The following ZNF346 variants were observed in gnomAD, a reference collection of about 807,000 sequenced individuals.
ZNF346 encodes double-stranded RNA-binding zinc finger protein JAZ.
ZNF346 carries 23 observed loss-of-function variants against 33.7 expected under a neutral mutation model. That is an observed-to-expected ratio of 0.68 (90% CI 0.49 to 0.97). ZNF346 has a LOEUF of 0.97. ZNF346 is among the 50% of genes least tolerant of loss of function. ZNF346 has a pLI of 0.00. For synonymous variants in ZNF346, 134 were observed against 142.4 expected (o/e 0.94, Z 0.42); for missense variants, 340 against 371.1 (o/e 0.92, Z 0.69).
chr5:177,024,106 C>G (rs145187396), intron 1 of ZNF346, among the ~76,000 whole-genome samples: 1 of 143,940 alleles, frequency 6.9e-6, no homozygotes, highest in East Asian at 2.0e-4. Flanking sequence ...AATATATACA[C>G]ACATAAATCT....
At chr5:177,041,378 T>G (rs1779316677) in intron 2 of ZNF346, 149 bp downstream of exon 2, 1 of 661,128 alleles carries the variant, frequency 1.5e-6, no homozygotes, top group East Asian at 2.7e-5. Flanking sequence ...GAAGATTGAC[T>G]TAATCTCCTT....
intron 1 of ZNF346, 138 bp downstream of exon 1, chr5:177,023,051 C>T (rs1290452355): frequency 6.9e-7 from 1 of 1,443,798 alleles, no homozygotes. Flanking sequence ...TTGTGCTCCC[C>T]ATCCGGGCGC....
chr5:177,032,952 A>G (rs1777929029), intron 1 of ZNF346, among the ~76,000 whole-genome samples: 1 of 152,232 alleles, frequency 6.6e-6, no homozygotes. Flanking sequence ...ACCAGTGCTA[A>G]GTAGACTTAA....
chr5:177,034,004 C>A (rs1418388401), intron 1 of ZNF346, among the ~76,000 whole-genome samples: 1 of 151,952 alleles, frequency 6.6e-6, no homozygotes. Flanking sequence ...ACGTCAGCCA[C>A]TTGAGTAGCA....
At chr5:177,045,696 G>T (rs1779940407) in intron 4 of ZNF346, among the ~76,000 whole-genome samples, 2 of 151,634 alleles carry the variant, frequency 1.3e-5, no homozygotes, top group Admixed American at 1.3e-4. Context: ...TCACTATATT[G>T]CTCAGGCTGG....
intron 1 of ZNF346, among the ~76,000 whole-genome samples, chr5:177,025,814 G>A (rs528096523): frequency 1.3e-5 from 2 of 152,232 alleles, no homozygotes; most frequent in South Asian, 4.1e-4. Flanking sequence ...CCCCCTGACT[G>A]TGACTTGTTT....
chr5:177,075,629 A>C (rs1367946264), intron 8 of ZNF346, among the ~76,000 whole-genome samples: 1 of 151,726 alleles, frequency 6.6e-6, no homozygotes, highest in East Asian at 1.9e-4. Context: ...CAGTCCTCCC[A>C]CCTCAGCCTC....
At chr5:177,063,763 C>T (rs1782844652) in intron 6 of ZNF346, among the ~76,000 whole-genome samples, 1 of 152,142 alleles carries the variant, frequency 6.6e-6, no homozygotes, top group African/African-American at 2.4e-5. Context: ...CGGCACACAC[C>T]TGTAGTCCCA....
At chr5:177,023,578 C>T (rs188941416) in intron 1 of ZNF346, among the ~76,000 whole-genome samples, 1 of 152,198 alleles carries the variant, frequency 6.6e-6, no homozygotes, top group Non-Finnish European at 1.5e-5. Flanking sequence ...AGGGGTCACT[C>T]CTGGGCCGAA....
chr5:177,032,283 C>T (rs1229711089), intron 1 of ZNF346, among the ~76,000 whole-genome samples: 1 of 151,862 alleles, frequency 6.6e-6, no homozygotes, highest in Non-Finnish European at 1.5e-5. Context: ...GGATTACAGG[C>T]GTGAGCCACT....
chr5:177,060,546 C>T (rs1005059408), intron 5 of ZNF346, among the ~76,000 whole-genome samples: 1 of 151,398 alleles, frequency 6.6e-6, no homozygotes, highest in African/African-American at 2.4e-5. Flanking sequence ...AGTAGCTCAA[C>T]ACCTGTAATC....
At chr5:177,033,149 C>T (rs1382511555) in intron 1 of ZNF346, among the ~76,000 whole-genome samples, 2 of 152,200 alleles carry the variant, frequency 1.3e-5, no homozygotes, top group Non-Finnish European at 2.9e-5. Flanking sequence ...AATTATGGCT[C>T]ACCAGAGCCT....
intron 8 of ZNF346, among the ~76,000 whole-genome samples, chr5:177,076,931 C>T (rs557196053): frequency 1.8e-4 from 27 of 152,114 alleles, no homozygotes; most frequent in Non-Finnish European, 1.2e-4. Flanking sequence ...ATCCCAGCTA[C>T]TTGGGAGGCT....
chr5:177,038,582 C>G (rs1007375751), intron 1 of ZNF346, among the ~76,000 whole-genome samples: 1 of 151,766 alleles, frequency 6.6e-6, no homozygotes, highest in Admixed American at 6.6e-5. Context: ...ACACAAAGCA[C>G]GTATTATAAA....
intron 5 of ZNF346, among the ~76,000 whole-genome samples, chr5:177,056,621 T>C (rs1254588650): frequency 1.3e-5 from 2 of 152,120 alleles, no homozygotes; most frequent in Non-Finnish European, 2.9e-5. Flanking sequence ...TGTAGGGACG[T>C]GGATGAAGCT....
downstream of ZNF346, among the ~76,000 whole-genome samples, chr5:177,072,534 A>G (rs982920198): frequency 3.9e-5 from 6 of 152,188 alleles, no homozygotes; most frequent in Admixed American, 3.9e-4. Flanking sequence ...GCATGTAAGG[A>G]CAGCCTGCTT....
At chr5:177,049,373 C>G (rs1399038392) in intron 4 of ZNF346, among the ~76,000 whole-genome samples, 5 of 152,226 alleles carry the variant, frequency 3.3e-5, no homozygotes, top group African/African-American at 1.2e-4. Context: ...TCCTCCACCA[C>G]TGGTGGGGGC....
intron 1 of ZNF346, among the ~76,000 whole-genome samples, chr5:177,023,410 A>G (rs1037685952): frequency 2.0e-5 from 3 of 151,950 alleles, no homozygotes; most frequent in African/African-American, 7.3e-5. Context: ...GCCCTGGCTT[A>G]CCCGTTTTTA....
chr5:177,072,106 A>G (rs1178441518), downstream of ZNF346, among the ~76,000 whole-genome samples: 4 of 152,238 alleles, frequency 2.6e-5, no homozygotes, highest in Non-Finnish European at 5.9e-5. Flanking sequence ...GGGTGACTTC[A>G]CGAGCCCCTG....
Sources: gnomAD v4.1 joint callset for allele counts (sites outside exome capture counted in the v4.1 genomes callset) on GRCh38, gnomAD v4.1.1 for gene constraint, MANE v1.5 for transcripts, NCBI Gene and HGNC (gene_info 2026-07-23, HGNC 2026-07-21) for gene names.